CDH4: variants seen among roughly 807,000 people sequenced by gnomAD.
CDH4 encodes cadherin 4, also known as cadherin-4.
CDH4 carries 33 observed loss-of-function variants against 86.0 expected under a neutral mutation model. The ratio of observed to expected loss-of-function variants is 0.38; its 90% CI spans 0.29 to 0.51. CDH4 has a LOEUF of 0.51. Ranked by LOEUF, CDH4 falls within the 20% of genes least tolerant of loss-of-function variation. CDH4 has a pLI of 0.86. For missense variants in CDH4, 1,114 were observed against 1,307.4 expected, an observed-to-expected ratio of 0.85 and a Z score of 2.28; for synonymous variants, 555 against 549.4, an observed-to-expected ratio of 1.01 and a Z score of -0.14.
chr20:61,801,682 T>TC (rs34344825), intron 4 of CDH4, among the ~76,000 whole-genome samples: 46,433 of 151,890 alleles, frequency 0.31, 7,385 homozygotes, highest in African/African-American at 0.39. Flanking sequence ...TTCTAGAGGC[T>TC]CCTGCCCCAC....
At chr20:61,743,199 G>A (rs141982383) in intron 2 of CDH4, among the ~76,000 whole-genome samples, 60 of 152,204 alleles carry the variant, frequency 3.9e-4, no homozygotes, top group African/African-American at 1.4e-3. Context: ...GGCAAGAGTG[G>A]GGGGAACTGA....
intron 4 of CDH4, among the ~76,000 whole-genome samples, chr20:61,814,633 C>G (rs1391251332): frequency 2.0e-5 from 3 of 152,254 alleles, no homozygotes; most frequent in Non-Finnish European, 4.4e-5. Flanking sequence ...AATAGATCCA[C>G]TAAATACATA....
intron 2 of CDH4, among the ~76,000 whole-genome samples, chr20:61,667,127 G>C (rs1261493269): frequency 6.6e-6 from 1 of 152,254 alleles, no homozygotes; most frequent in South Asian, 2.1e-4. Flanking sequence ...GGGACAATGT[G>C]ATGGAGGCAA....
intron 4 of CDH4, among the ~76,000 whole-genome samples, chr20:61,833,037 C>G (rs1981700453): frequency 6.6e-6 from 1 of 152,120 alleles, no homozygotes; most frequent in African/African-American, 2.4e-5. Flanking sequence ...GTGGGCTGAG[C>G]AAGTGCTGAG....
intron 2 of CDH4, among the ~76,000 whole-genome samples, chr20:61,347,334 C>G (rs919898625): frequency 6.6e-6 from 1 of 152,206 alleles, no homozygotes; most frequent in Non-Finnish European, 1.5e-5. Flanking sequence ...GAAATATACA[C>G]CTAGATTAGA....
chr20:61,522,210 G>C (rs1044717721), intron 2 of CDH4, among the ~76,000 whole-genome samples: 1 of 152,144 alleles, frequency 6.6e-6, no homozygotes, highest in African/African-American at 2.4e-5. Context: ...GCCAAGCCTC[G>C]CTGTGATACC....
intron 2 of CDH4, among the ~76,000 whole-genome samples, chr20:61,344,201 C>A (rs1475831065): frequency 3.3e-5 from 5 of 151,950 alleles, no homozygotes; most frequent in African/African-American, 9.7e-5. Flanking sequence ...ATGGGGCCTG[C>A]GGGGGTTGAT....
intron 2 of CDH4, among the ~76,000 whole-genome samples, chr20:61,722,670 A>G (rs745370217): frequency 7.2e-6 from 1 of 137,950 alleles, no homozygotes; most frequent in African/African-American, 2.8e-5. Flanking sequence ...TGTCATGTGC[A>G]TGGACCAGCA....
At chr20:61,376,865 C>T (rs1334766913) in intron 2 of CDH4, among the ~76,000 whole-genome samples, 1 of 152,222 alleles carries the variant, frequency 6.6e-6, no homozygotes, top group African/African-American at 2.4e-5. Context: ...ACCACCTCTC[C>T]TCTCTAGCAC....
intron 2 of CDH4, among the ~76,000 whole-genome samples, chr20:61,498,912 C>T (rs1216291475): frequency 1.3e-5 from 2 of 152,246 alleles, no homozygotes; most frequent in South Asian, 2.1e-4. Flanking sequence ...CTGTAAAGGA[C>T]GAGGGAACCT....
chr20:61,345,665 G>A (rs2084674937), intron 2 of CDH4, among the ~76,000 whole-genome samples: 1 of 152,198 alleles, frequency 6.6e-6, no homozygotes, highest in Admixed American at 6.5e-5. Flanking sequence ...CAACGAGGAG[G>A]GGAACAGGGG....
At chr20:61,786,240 C>CCTT (rs1978874741) in intron 4 of CDH4, among the ~76,000 whole-genome samples, 1 of 152,192 alleles carries the variant, frequency 6.6e-6, no homozygotes, top group Non-Finnish European at 1.5e-5. Flanking sequence ...GGGCCCACCT[C>CCTT]CTTCCTGGCC....
At chr20:61,748,036 T>C (rs1269816060) in intron 3 of CDH4, among the ~76,000 whole-genome samples, 2 of 152,090 alleles carry the variant, frequency 1.3e-5, no homozygotes, top group African/African-American at 4.8e-5. Context: ...AAGGCAGAAT[T>C]CCTTTGAGGA....
At chr20:61,607,620 G>A (rs1050733769) in intron 2 of CDH4, among the ~76,000 whole-genome samples, 4 of 152,188 alleles carry the variant, frequency 2.6e-5, no homozygotes, top group Admixed American at 1.3e-4. Context: ...ACTCGCAATA[G>A]CATCTTAGAG....
chr20:61,497,276 C>T (rs1425913331), intron 2 of CDH4, among the ~76,000 whole-genome samples: 1 of 152,090 alleles, frequency 6.6e-6, no homozygotes, highest in Non-Finnish European at 1.5e-5. Flanking sequence ...GTTTGCTCTG[C>T]TCTGTTTGTG....
intron 2 of CDH4, among the ~76,000 whole-genome samples, chr20:61,557,336 C>G (rs1041179281): frequency 2.0e-5 from 3 of 152,244 alleles, no homozygotes; most frequent in Non-Finnish European, 4.4e-5. Flanking sequence ...AATATTCGCA[C>G]AACCCAGCGG....
intron 4 of CDH4, among the ~76,000 whole-genome samples, chr20:61,813,847 C>T (rs112791332): frequency 4.6e-5 from 7 of 152,342 alleles, no homozygotes; most frequent in South Asian, 4.1e-4. Context: ...AGATTACCAA[C>T]GGCCCTACCC....
intron 2 of CDH4, among the ~76,000 whole-genome samples, chr20:61,561,105 C>T (rs1339578010): frequency 1.3e-5 from 2 of 152,224 alleles, no homozygotes; most frequent in African/African-American, 4.8e-5. Context: ...CCATGCTTTC[C>T]ACATAGCTGT....
chr20:61,705,581 C>T (rs573728248), intron 2 of CDH4, among the ~76,000 whole-genome samples: 12 of 152,268 alleles, frequency 7.9e-5, no homozygotes, highest in Admixed American at 4.6e-4. Flanking sequence ...CTTCCAAGGA[C>T]GCTCTGTCAG....
Sources: allele counts gnomAD v4.1 joint callset (sites outside exome capture counted in the v4.1 genomes callset), GRCh38; gene constraint gnomAD v4.1.1; transcripts MANE v1.5; gene names NCBI Gene and HGNC (gene_info 2026-07-23, HGNC 2026-07-21).